Variants in TPSD1 observed in about 807,000 individuals in gnomAD.
The protein encoded by TPSD1 is tryptase delta 1, also known as tryptase delta.
TPSD1 carries 30 observed loss-of-function variants against 25.4 expected under a neutral mutation model. The ratio of observed to expected loss-of-function variants is 1.18; its 90% CI spans 0.88 to 1.60. The LOEUF is 1.60. Among genes scored for constraint, TPSD1 ranks in the 40% most tolerant of loss-of-function variants. The pLI, the probability that TPSD1 is intolerant of heterozygous loss-of-function variation, is 0.00. For synonymous variants in TPSD1, 176 were observed against 149.4 expected (o/e 1.18, Z -1.30); for missense variants, 420 against 324.2 (o/e 1.30, Z -2.27).
At chr16:1,256,739 G>A (rs1435561851) in intron 2 of TPSD1, 52 bp downstream of exon 2, 2 of 1,611,598 alleles carry the variant, frequency 1.2e-6, no homozygotes, top group African/African-American at 1.3e-5. Flanking sequence ...GTGAGCCCTG[G>A]CTCCCGGGTG....
In TPSD1 at chr16:1,256,669, C is replaced by T. The variant is rs775572435; in HGVS notation, c.236C>T (p.Ala79Val). 2.4e-5 allele frequency: 39 copies of T among 1,611,890 alleles called. No homozygotes were observed. Among genetic ancestry groups the T allele is most frequent in the African/African-American group, 2.0e-4 (15 of 75,038 alleles). Residue 79 changes from alanine (A) to valine (V), a missense_variant, in exon 2 of 5, where the codon GCG becomes GTG. Physicochemically the swap from Ala to Val is moderately conservative, Grantham distance 64 (BLOSUM62 0). Transcript: ENST00000211076. ...ATCCACCCCCAGTGGGTGCTAACCGCGGCGCACTGCGTGGAACCGTGAGTC... is the reference window on the plus strand; with the variant it reads ...ATCCACCCCCAGTGGGTGCTAACCGTGGCGCACTGCGTGGAACCGTGAGTC... ...SLIHPQWVLT[A>V]AHCVEPDIKD...
Position 1,256,957 on chromosome 16 carries a change from A to G in TPSD1, c.415A>G (p.Asn139Asp), listed in dbSNP as rs1362830252. 6.2e-7 allele frequency: 1 copy of G among 1,613,782 alleles called. No individual in the cohort carries two copies. ...CCTGCTGGAGCTGGAGGAGCCCGTG[A>G]ACATCTCCAGCCACATCCACACGGT... ...IALLELEEPVNISSHIHTVTL... is the reference protein window; with the variant it reads ...IALLELEEPVDISSHIHTVTL... Residue 139 changes from asparagine to aspartate, a missense_variant, in exon 3 of 5, where the codon AAC becomes GAC. Coordinates refer to ENST00000211076, the MANE Select transcript of TPSD1 (RefSeq NM_012217.3).
Position 1,256,599 on chromosome 16 carries a change from A to C in TPSD1, c.166A>C (p.Arg56=). 3 of 1,612,854 alleles carry C rather than the reference A, an allele frequency of 1.9e-6. No individual in the cohort carries two copies. Among genetic ancestry groups the C allele is most frequent in the Non-Finnish European group, 2.5e-6 (3 of 1,179,764 alleles). The stretch of plus-strand genomic sequence containing the variant: ...CAAGTGGCCCTGGCAGGTGAGCCTG[A>C]GAGTCCGCGGCCCATACTGGATGCA... ...RSKWPWQVSL[R]VRGPYWMHFC... Residue 56 remains arginine, a synonymous_variant, in exon 2 of 5, where the codon AGA becomes CGA. Transcript: ENST00000211076.
At chr16:1,257,558 C>T (rs2031002297) in intron 3 of TPSD1, 1 of 230,976 alleles carries the variant, frequency 4.3e-6, no homozygotes, top group Admixed American at 5.1e-5. Flanking sequence ...GTCTTGTCCC[C>T]ATTTTATCCA....
rs1007020538 is a variant in TPSD1 at position 1,258,439 on chromosome 16, C to T, written c.*63C>T. The T allele has an allele frequency of 3.1e-6, 5 of 1,613,674 alleles. No individual in the cohort carries two copies. The highest frequency in any genetic ancestry group is 1.1e-5 in the South Asian group (1 of 91,090). ...CCCAGCCCAACCGGCCTGGCATCTA[C>T]ACCCGTGTCACCTACTACTTGGACT... On this transcript the variant is annotated 3_prime_UTR_variant, in exon 5 of 5. Coordinates refer to ENST00000211076, the MANE Select transcript of TPSD1 (RefSeq NM_012217.3).
rs765786264 is a variant in TPSD1, at chr16:1,256,895, C to T, written c.353C>T (p.Pro118Leu). ...LLPVSRIIVH[P>L]QFYIIQTGAD... The stretch of plus-strand genomic sequence containing the variant: ...CCGGTCAGCAGGATCATCGTGCACC[C>T]ACAGTTCTACATCATCCAGACCGGG... Residue 118 changes from proline (P) to leucine (L), a missense_variant, in exon 3 of 5, where the codon CCA (proline) becomes CTA (leucine). Physicochemically the swap from Pro to Leu is moderately conservative, Grantham distance 98 (BLOSUM62 -3). Transcript: ENST00000211076. The T allele has an allele frequency of 1.2e-6, 2 of 1,613,920 alleles. No homozygotes were observed. The highest frequency in any genetic ancestry group is 1.7e-5 in the Admixed American group (1 of 60,032).
In TPSD1 at chr16:1,256,916, C is replaced by G. The variant is rs755942604; in HGVS notation, c.374C>G (p.Thr125Ser). 5 of 1,614,002 alleles carry G rather than the reference C, an allele frequency of 3.1e-6. No individual in the cohort carries two copies. The South Asian group carries it at 4.4e-5, about 14-fold the overall frequency. ...IVHPQFYIIQ[T>S]GADIALLELE... ...CACCCACAGTTCTACATCATCCAGA[C>G]CGGGGCGGACATCGCCCTGCTGGAG... The change falls in exon 3 of 5, where the codon ACC (threonine) becomes AGC (serine). Residue 125 changes from threonine to serine, a missense_variant. Physicochemically the swap from Thr to Ser is moderately conservative, Grantham distance 58. Coordinates refer to ENST00000211076, the MANE Select transcript of TPSD1 (RefSeq NM_012217.3).
intron 3 of TPSD1, chr16:1,257,495 G>A (rs949540335): frequency 2.7e-5 from 7 of 256,774 alleles, no homozygotes; most frequent in East Asian, 8.5e-5. Context: ...GCTGTGGGGG[G>A]CTGGACGAAG....
In TPSD1 at chr16:1,258,600, C is replaced by G; in HGVS notation, c.*224C>G. On this transcript the variant is annotated 3_prime_UTR_variant, in exon 5 of 5. Coordinates refer to ENST00000211076, the MANE Select transcript of TPSD1 (RefSeq NM_012217.3). ...GGTGACTGCCCCCCACACCTTCCCCCATCCTGAGTCCCCTCTCCCATCCTG... is the reference window on the plus strand; with the variant it reads ...GGTGACTGCCCCCCACACCTTCCCCGATCCTGAGTCCCCTCTCCCATCCTG... 7.4e-7 allele frequency: 1 copy of G among 1,347,734 alleles called. No individual in the cohort carries two copies. The highest frequency in any genetic ancestry group is 1.0e-6 in the Non-Finnish European group (1 of 978,190). The allele number at this position is 1,347,734 out of a possible 1,614,324, so 83.5% of individuals were successfully genotyped here. A position where few individuals can be genotyped will look rare whatever the true frequency, so the allele number is the denominator to read the frequency against.
rs569303909 is a variant in TPSD1, at chr16:1,256,673, G to A, written c.240G>A (p.Ala80=). 21 of 1,611,400 alleles carry A rather than the reference G, an allele frequency of 1.3e-5. No individual in the cohort carries two copies. The highest frequency in any genetic ancestry group is 6.7e-5 in the East Asian group (3 of 44,846). The change falls in exon 2 of 5, where the codon GCG becomes GCA. Residue 80 remains alanine, a synonymous_variant. Coordinates refer to ENST00000211076, the MANE Select transcript of TPSD1 (RefSeq NM_012217.3). ...LIHPQWVLTA[A]HCVEPDIKDL... Reference sequence around the variant, plus strand: ...ACCCCCAGTGGGTGCTAACCGCGGCGCACTGCGTGGAACCGTGAGTCTCCT... The same window carrying A: ...ACCCCCAGTGGGTGCTAACCGCGGCACACTGCGTGGAACCGTGAGTCTCCT...
Position 1,256,624 on chromosome 16 carries a change from A to C in TPSD1, c.191A>C (p.His64Pro). Residue 64 changes from histidine (H) to proline (P), a missense_variant, in exon 2 of 5, where the codon CAC becomes CCC. By Grantham distance (77) the His-to-Pro change is moderately conservative (BLOSUM62 -2). Transcript: ENST00000211076. ...AGAGTCCGCGGCCCATACTGGATGC[A>C]CTTCTGCGGGGGCTCCCTCATCCAC... Reference protein sequence around the residue: ...SLRVRGPYWMHFCGGSLIHPQ... With the variant: ...SLRVRGPYWMPFCGGSLIHPQ... The C allele has an allele frequency of 6.2e-7, 1 of 1,613,000 alleles. No individual in the cohort carries two copies. Among genetic ancestry groups the C allele is most frequent in the South Asian group, 1.1e-5 (1 of 91,058 alleles).
At position 1,258,072 on chromosome 16, in the gene TPSD1, G is replaced by C; in HGVS notation, c.534G>C (p.Pro178=). The change falls in exon 4 of 5, where the codon CCG becomes CCC. Residue 178 remains proline (P), a synonymous_variant. Transcript: ENST00000211076. ...CTCCGCCCCCAGTGCACCTGCCGCC[G>C]CCATACCCGCTGAAGGAGGTGGAAG... ...GDVDNNVHLP[P]PYPLKEVEVP... The C allele has an allele frequency of 6.3e-7, 1 of 1,586,606 alleles. No homozygotes were observed. Among genetic ancestry groups the C allele is most frequent in the Non-Finnish European group, 8.6e-7 (1 of 1,167,352 alleles).
In TPSD1 at chr16:1,256,289, C is replaced by G. The variant is rs766658809; in HGVS notation, c.9C>G (p.Leu3=). 7.4e-6 allele frequency: 12 copies of G among 1,613,518 alleles called. No homozygotes were observed. The African/African-American group carries it at 1.5e-4, about 20-fold the overall frequency. Residue 3 remains leucine (L), a synonymous_variant, in exon 1 of 5, where the codon CTC becomes CTG. Transcript: ENST00000211076. The part of the protein sequence containing the change: ML[L]LAPQMLSLLL... Reference sequence around the variant, plus strand: ...GCCCGGCCAGGCCCACGATGCTCCTCCTTGCTCCCCAGATGCTGAGCCTGC... The same window carrying G: ...GCCCGGCCAGGCCCACGATGCTCCTGCTTGCTCCCCAGATGCTGAGCCTGC...
Position 1,256,614 on chromosome 16 carries a change from T to A in TPSD1, c.181T>A (p.Tyr61Asn). 1 of 1,613,008 alleles carries A rather than the reference T, an allele frequency of 6.2e-7. No individual in the cohort carries two copies. The highest frequency in any genetic ancestry group is 2.2e-5 in the East Asian group (1 of 44,886). ...WQVSLRVRGP[Y>N]WMHFCGGSLI... ...GGTGAGCCTGAGAGTCCGCGGCCCA[T>A]ACTGGATGCACTTCTGCGGGGGCTC... Residue 61 changes from tyrosine to asparagine, a missense_variant, in exon 2 of 5, where the codon TAC (tyrosine) becomes AAC (asparagine). Coordinates refer to ENST00000211076, the MANE Select transcript of TPSD1 (RefSeq NM_012217.3).
At chr16:1,257,923 C>T in intron 3 of TPSD1, 136 bp from the exon 4 acceptor site, 1 of 964,384 alleles carries the variant, frequency 1.0e-6, no homozygotes, top group South Asian at 1.6e-5. Context: ...ATTCACCGCC[C>T]CTTCCCCGGG....
rs2030985427 is a variant in TPSD1 at position 1,256,942 on chromosome 16, C to G, written c.400C>G (p.Leu134Val). 1.9e-6 allele frequency: 3 copies of G among 1,613,948 alleles called. No individual in the cohort carries two copies. Among genetic ancestry groups the G allele is most frequent in the Admixed American group, 1.7e-5 (1 of 60,030 alleles). The change falls in exon 3 of 5, where the codon CTG becomes GTG. Residue 134 changes from leucine to valine, a missense_variant. By Grantham distance (32) the Leu-to-Val change is conservative. Coordinates refer to ENST00000211076, the MANE Select transcript of TPSD1 (RefSeq NM_012217.3). ...CGGGGCGGACATCGCCCTGCTGGAG[C>G]TGGAGGAGCCCGTGAACATCTCCAG... The part of the protein sequence containing the change: ...QTGADIALLE[L>V]EEPVNISSHI...
chr16:1,258,231 T>G lies in TPSD1; in HGVS notation c.684+9T>G, dbSNP rs1421732428. On this transcript the variant is annotated intron_variant, in intron 4 of 4. Coordinates refer to ENST00000211076, the MANE Select transcript of TPSD1 (RefSeq NM_012217.3). ...ATCACGACTCCTGCCAGGTGGGCCC[T>G]CGCGTCCCCCACCCCAATCCCCGGA... 1.2e-6 allele frequency: 2 copies of G among 1,609,060 alleles called. No homozygotes were observed. The highest frequency in any genetic ancestry group is 2.8e-5 in the African/African-American group (2 of 71,436).
intron 3 of TPSD1, 62 bp from the exon 4 acceptor site, chr16:1,257,997 A>G (rs1330143659): frequency 6.6e-7 from 1 of 1,517,850 alleles, no homozygotes; most frequent in Non-Finnish European, 8.9e-7. Context: ...CTCTGCCACC[A>G]AGTCCACGAA....
At position 1,256,103 on chromosome 16, in the gene TPSD1, C is replaced by G; in HGVS notation, c.-178C>G. ...AGGGAGTGGCCAGGGTAAGTCCCTA[C>G]TCTCAGAGACCCTGACATCAGCGTC... On this transcript the variant is annotated 5_prime_UTR_variant, in exon 1 of 5. Coordinates refer to ENST00000211076, the MANE Select transcript of TPSD1 (RefSeq NM_012217.3). The G allele has an allele frequency of 1.8e-6, 2 of 1,092,656 alleles. No individual in the cohort carries two copies. The highest frequency in any genetic ancestry group is 2.7e-6 in the Non-Finnish European group (2 of 754,058). 67.7% of individuals were successfully genotyped at this position (1,092,656 alleles called of 1,614,324 possible).
Sources: allele counts gnomAD v4.1 joint callset, GRCh38; gene constraint gnomAD v4.1.1; transcripts MANE v1.5; gene names NCBI Gene and HGNC (gene_info 2026-07-23, HGNC 2026-07-21).